Variants in RAI14 observed in about 807,000 individuals in gnomAD.
The protein encoded by RAI14 is ankycorbin.
Under a neutral mutation model 115.4 loss-of-function variants are expected in RAI14, and 45 were observed. The observed-to-expected ratio is 0.39, with a 90% CI of 0.31 to 0.50. RAI14 has a LOEUF of 0.50. RAI14 is among the 20% of genes least tolerant of loss of function. RAI14 has a pLI of 0.85. For synonymous variants in RAI14, 371 were observed against 415.4 expected, an observed-to-expected ratio of 0.89 and a Z score of 1.30; for missense variants, 939 against 1,131.2, an observed-to-expected ratio of 0.83 and a Z score of 2.44.
At chr5:34,748,940 T>C (rs1279981842) in intron 2 of RAI14, among the ~76,000 whole-genome samples, 1 of 152,190 alleles carries the variant, frequency 6.6e-6, no homozygotes, top group East Asian at 1.9e-4. Flanking sequence ...TATAGAATCT[T>C]CTTTATTACC....
At chr5:34,806,192 G>A (rs1024100700) in intron 5 of RAI14, among the ~76,000 whole-genome samples, 3 of 152,186 alleles carry the variant, frequency 2.0e-5, no homozygotes, top group Non-Finnish European at 2.9e-5. Flanking sequence ...TACAATGTGT[G>A]CAAAGGACCT....
chr5:34,695,733 A>G (rs1437516979), intron 2 of RAI14, among the ~76,000 whole-genome samples: 1 of 152,062 alleles, frequency 6.6e-6, no homozygotes, highest in Non-Finnish European at 1.5e-5. Context: ...TTAAAATCAC[A>G]TAAGTCTTTG....
intron 15 of RAI14, among the ~76,000 whole-genome samples, chr5:34,824,780 C>A (rs1429437209): frequency 2.0e-5 from 3 of 151,792 alleles, no homozygotes; most frequent in Non-Finnish European, 2.9e-5. Flanking sequence ...CACGTCTCTA[C>A]TAAAAATACA....
chr5:34,824,588 G>C lies in RAI14; in HGVS notation c.2649+97G>C, dbSNP rs998039721. The C allele has an allele frequency of 7.2e-6, 7 of 973,852 alleles. No homozygotes were observed. In the Admixed American group the frequency reaches 1.2e-4, roughly 17 times the overall value. The allele number at this position is 973,852 out of a possible 1,614,324, so 60.3% of individuals were successfully genotyped here. On this transcript the variant is annotated intron_variant, in intron 15 of 17. Transcript: ENST00000265109. ...TATTTCTAGTGTTGGCACTAAACTGGAGTGAATGCTCAGAGGCTCTGCACA... is the reference window on the plus strand; with the variant it reads ...TATTTCTAGTGTTGGCACTAAACTGCAGTGAATGCTCAGAGGCTCTGCACA...
intron 7 of RAI14, among the ~76,000 whole-genome samples, chr5:34,810,780 A>G (rs1009937180): frequency 1.3e-5 from 2 of 152,124 alleles, no homozygotes; most frequent in African/African-American, 4.8e-5. Flanking sequence ...AGCAGCCGCA[A>G]GAAGCTGGAG....
rs1452406217 is a variant in RAI14, at chr5:34,823,656, A to G, written c.1814A>G (p.Gln605Arg). Residue 605 changes from glutamine to arginine, a missense_variant, in exon 15 of 18, where the codon CAA becomes CGA. Coordinates refer to ENST00000265109, the MANE Select transcript of RAI14 (RefSeq NM_015577.3). This position sits in a 1 kb window ranked among gnomAD's most constrained non-coding sequence, Gnocchi z 4.5. ...AFLFEKYQEA[Q>R]EEIMKLKDTL... ...TTGTTTGAGAAATACCAAGAAGCCC[A>G]AGAAGAAATCATGAAATTAAAAGAC... 1.2e-6 allele frequency: 2 copies of G among 1,613,884 alleles called. No individual in the cohort carries two copies. Among genetic ancestry groups the G allele is most frequent in the South Asian group, 1.1e-5 (1 of 91,010 alleles).
intron 1 of RAI14, among the ~76,000 whole-genome samples, chr5:34,664,733 T>G (rs1297554869): frequency 4.6e-5 from 7 of 151,720 alleles, no homozygotes; most frequent in African/African-American, 1.7e-4. Flanking sequence ...CTGAGCAGTA[T>G]ACGCTGCATC....
At chr5:34,679,768 C>G (rs1744255743) in intron 1 of RAI14, among the ~76,000 whole-genome samples, 1 of 152,122 alleles carries the variant, frequency 6.6e-6, no homozygotes, top group Admixed American at 6.5e-5. Context: ...TTTCACAGGC[C>G]AAATGAGCTG....
At chr5:34,657,600 G>T (rs942733586) in intron 1 of RAI14, among the ~76,000 whole-genome samples, 2 of 152,210 alleles carry the variant, frequency 1.3e-5, no homozygotes, top group African/African-American at 4.8e-5. Context: ...TCTCTTCGCC[G>T]CAGCTCACGC....
intron 2 of RAI14, among the ~76,000 whole-genome samples, chr5:34,744,707 AG>A (rs1484956385): frequency 1.3e-5 from 2 of 152,352 alleles, no homozygotes; most frequent in East Asian, 3.9e-4. Context: ...CAGTAACATG[AG>A]GATAACAATA....
rs71600954 is a variant in RAI14 at position 34,752,749 on chromosome 5, G to GTATATATATA, written c.37-4711_37-4702dup. Among the ~76,000 whole-genome samples the GTATATATATA allele has an allele frequency of 2.4e-3, 257 of 107,032 alleles. 5 individuals carry two copies. The highest frequency in any genetic ancestry group is 9.4e-3 in the African/African-American group (250 of 26,490). 70.2% of individuals were successfully genotyped at this position (107,032 alleles called of 152,430 possible). A position where few individuals can be genotyped will look rare whatever the true frequency, so the allele number is the denominator to read the frequency against. On this transcript the variant is annotated intron_variant, in intron 2 of 17. Coordinates refer to ENST00000265109, the MANE Select transcript of RAI14 (RefSeq NM_015577.3). ...TGTGTGTGTGTGTGTGTGTGTGTGT[G>GTATATATATA]TATATATATATATATATGTATCTTT...
intron 2 of RAI14, among the ~76,000 whole-genome samples, chr5:34,727,156 G>A (rs1311673439): frequency 6.6e-6 from 1 of 152,154 alleles, no homozygotes; most frequent in East Asian, 1.9e-4. Context: ...GGTGTCAGAT[G>A]GATTTGAGGA....
intron 2 of RAI14, among the ~76,000 whole-genome samples, chr5:34,705,669 CAG>C (rs1385397982): frequency 3.3e-5 from 5 of 151,984 alleles, no homozygotes; most frequent in African/African-American, 4.8e-5. Flanking sequence ...TTTTTTGTGA[CAG>C]AGTTTCACTC....
At chr5:34,704,098 G>A (rs990531569) in intron 2 of RAI14, among the ~76,000 whole-genome samples, 1 of 152,172 alleles carries the variant, frequency 6.6e-6, no homozygotes, top group African/African-American at 2.4e-5. Flanking sequence ...TCCCACCTTA[G>A]GGGATTCTGA....
At chr5:34,693,499 A>C (rs1268830478) in intron 2 of RAI14, among the ~76,000 whole-genome samples, 1 of 152,220 alleles carries the variant, frequency 6.6e-6, no homozygotes, top group Non-Finnish European at 1.5e-5. Flanking sequence ...CTGAATGCTC[A>C]CTAGGTGCCA....
chr5:34,703,427 T>C (rs916791022), intron 2 of RAI14, among the ~76,000 whole-genome samples: 1 of 152,202 alleles, frequency 6.6e-6, no homozygotes, highest in Non-Finnish European at 1.5e-5. Context: ...GTTGCAGAAA[T>C]TCATTAAAGA....
At chr5:34,786,392 G>A (rs1752299224) in intron 3 of RAI14, among the ~76,000 whole-genome samples, 1 of 152,204 alleles carries the variant, frequency 6.6e-6, no homozygotes, top group African/African-American at 2.4e-5. Context: ...GATCTGGAGG[G>A]TCAGGCCGTT....
intron 4 of RAI14, among the ~76,000 whole-genome samples, chr5:34,799,306 G>A (rs469033): frequency 6.6e-6 from 1 of 151,890 alleles, no homozygotes; most frequent in African/African-American, 2.4e-5. Context: ...TGGTGGTTAG[G>A]GGATGAATTA....
intron 2 of RAI14, among the ~76,000 whole-genome samples, chr5:34,723,339 G>A (rs918592309): frequency 6.6e-6 from 1 of 152,096 alleles, no homozygotes; most frequent in Non-Finnish European, 1.5e-5. Flanking sequence ...GAATCTGTAG[G>A]GCAGCCTGAC....
Sources: gnomAD v4.1 joint callset for allele counts (sites outside exome capture counted in the v4.1 genomes callset) on GRCh38, gnomAD v4.1.1 for gene constraint, Gnocchi (gnomAD v3.1) non-coding constraint, MANE v1.5 for transcripts, NCBI Gene and HGNC (gene_info 2026-07-23, HGNC 2026-07-21) for gene names.